The following C6orf118 variants were observed in gnomAD, a reference collection of about 807,000 sequenced individuals.
The protein encoded by C6orf118 is uncharacterized protein C6orf118.
In C6orf118, 50 loss-of-function variants were observed where a neutral mutation model predicts 50.2. The observed-to-expected ratio is 1.00, with a 90% CI of 0.79 to 1.26. The LOEUF (loss-of-function observed/expected upper bound fraction) is 1.26. C6orf118 is among the 50% of genes most tolerant of loss of function. The pLI, the probability that C6orf118 is intolerant of heterozygous loss-of-function variation, is 0.00. For missense variants in C6orf118, 641 were observed against 578.7 expected, an observed-to-expected ratio of 1.11 and a Z score of -1.10; for synonymous variants, 239 against 230.9, an observed-to-expected ratio of 1.03 and a Z score of -0.32.
At chr6:165,294,330 A>T (rs1456138963) in intron 5 of C6orf118, among the ~76,000 whole-genome samples, 1 of 151,860 alleles carries the variant, frequency 6.6e-6, no homozygotes, top group Non-Finnish European at 1.5e-5. Context: ...ACAGAAAAAA[A>T]CCTCCTTGTT....
intron 4 of C6orf118, 42 bp downstream of exon 4, chr6:165,299,401 G>A (rs1233166537): frequency 2.5e-6 from 4 of 1,581,206 alleles, no homozygotes; most frequent in Non-Finnish European, 3.5e-6. Context: ...TGAAGCTATG[G>A]ATAAGCAGGC....
intron 1 of C6orf118, 84 bp downstream of exon 1, chr6:165,309,478 A>T: frequency 1.3e-6 from 2 of 1,521,576 alleles, no homozygotes; most frequent in Non-Finnish European, 9.1e-7. Context: ...TCACATTTCA[A>T]ATCAGTCTTC....
intron 7 of C6orf118, among the ~76,000 whole-genome samples, chr6:165,288,010 GA>G (rs1334490541): frequency 1.3e-5 from 2 of 152,118 alleles, no homozygotes; most frequent in East Asian, 1.9e-4. Context: ...CAGAATGGGG[GA>G]AAATTTCTGC....
intron 1 of C6orf118, 67 bp downstream of exon 1, chr6:165,309,495 C>T: frequency 1.3e-5 from 21 of 1,566,538 alleles, no homozygotes; most frequent in Non-Finnish European, 1.8e-5. Context: ...CTTCAGAAGC[C>T]CATCCCTCCA....
chr6:165,287,910 A>C (rs1328184416), intron 7 of C6orf118, among the ~76,000 whole-genome samples: 5 of 152,222 alleles, frequency 3.3e-5, no homozygotes, highest in Admixed American at 6.5e-5. Context: ...AAGCAATTGC[A>C]ACAAAAGCAA....
chr6:165,308,221 G>T (rs567655), intron 1 of C6orf118, among the ~76,000 whole-genome samples: 72,112 of 152,054 alleles, frequency 0.47, 19,731 homozygotes, highest in African/African-American at 0.76. Flanking sequence ...TTTACCAGCT[G>T]AATTCAGGTG....
At chr6:165,296,519 G>A (rs1480421688) in intron 5 of C6orf118, among the ~76,000 whole-genome samples, 2 of 152,100 alleles carry the variant, frequency 1.3e-5, no homozygotes, top group Non-Finnish European at 2.9e-5. Context: ...ATATGCTGCA[G>A]TGACCCAGAA....
chr6:165,295,598 G>C (rs1780263813), intron 5 of C6orf118, among the ~76,000 whole-genome samples: 1 of 151,950 alleles, frequency 6.6e-6, no homozygotes, highest in Non-Finnish European at 1.5e-5. Context: ...AATTCAAATG[G>C]ATACTTTTCC....
chr6:165,307,543 G>A (rs1271020315), intron 1 of C6orf118, among the ~76,000 whole-genome samples: 1 of 143,572 alleles, frequency 7.0e-6, no homozygotes, highest in African/African-American at 2.7e-5. Flanking sequence ...GGACGACAGA[G>A]TGAGACTGCC....
At chr6:165,288,862 G>C (rs1780008379) in intron 7 of C6orf118, among the ~76,000 whole-genome samples, 2 of 151,878 alleles carry the variant, frequency 1.3e-5, no homozygotes, top group Admixed American at 1.3e-4. Flanking sequence ...AGGATGATAG[G>C]TGCAGCAAAT....
rs1329098635 is a variant in C6orf118, at chr6:165,286,897, C to T, written c.1302+2989G>A. On this transcript the variant is annotated intron_variant, in intron 7 of 8. Transcript: ENST00000230301. ...ATAAGAATGCCCTCGCTCACCACTC[C>T]TATTCAACATAATATTGGGAGTTCT... Among the ~76,000 whole-genome samples the T allele has an allele frequency of 2.6e-5, 4 of 152,148 alleles. No homozygotes were observed. In the East Asian group the frequency reaches 5.8e-4, roughly 22 times the overall value.
chr6:165,281,409 T>C (rs1198920609), intron 8 of C6orf118: 2 of 871,252 alleles, frequency 2.3e-6, no homozygotes, highest in African/African-American at 1.8e-5. Flanking sequence ...TAGTCTAATC[T>C]AGTTTTAAAT....
Position 165,280,130 on chromosome 6 carries a change from G to T in C6orf118, c.1357-20C>A. 1.3e-6 allele frequency: 2 copies of T among 1,535,798 alleles called. No individual in the cohort carries two copies. The highest frequency in any genetic ancestry group is 1.2e-5 in the South Asian group (1 of 85,594). Reference sequence around the variant, plus strand: ...AGGCCCCTTAAAATACATAAGAAATGAATACCATAGGTTAGAAAAAAATAC... The same window carrying T: ...AGGCCCCTTAAAATACATAAGAAATTAATACCATAGGTTAGAAAAAAATAC... On this transcript the variant is annotated intron_variant, in intron 8 of 8. Transcript: ENST00000230301.
At position 165,301,851 on chromosome 6, in the gene C6orf118, T is replaced by A; in HGVS notation, c.471A>T (p.Glu157Asp). 1 of 1,613,816 alleles carries A rather than the reference T, an allele frequency of 6.2e-7. No individual in the cohort carries two copies. Among genetic ancestry groups the A allele is most frequent in the East Asian group, 2.2e-5 (1 of 44,850 alleles). Residue 157 changes from glutamate to aspartate, a missense_variant, in exon 2 of 9, where the codon GAA becomes GAT. By Grantham distance (45) the Glu-to-Asp change is conservative. Transcript: ENST00000230301. ...LPVEAVREGKEEKKGGPPGRG... is the reference protein window; with the variant it reads ...LPVEAVREGKDEKKGGPPGRG... ...GTCCAGGAGGGCCTCCTTTCTTTTC[T>A]TCCTTCCCCTCTCTGACAGCCTCCA...
intron 8 of C6orf118, 107 bp from the exon 9 acceptor site, chr6:165,280,217 G>T (rs1191581166): frequency 1.4e-6 from 1 of 704,500 alleles, no homozygotes; most frequent in Non-Finnish European, 2.3e-6. Flanking sequence ...CCCAAAAACA[G>T]ACAAGATGAG....
At position 165,298,107 on chromosome 6, in the gene C6orf118, C is replaced by A. The variant is rs749793324; in HGVS notation, c.937-6G>T. 6.3e-7 allele frequency: 1 copy of A among 1,585,738 alleles called. No individual in the cohort carries two copies. Among genetic ancestry groups the A allele is most frequent in the Admixed American group, 1.8e-5 (1 of 55,846 alleles). Reference sequence around the variant, plus strand: ...TTGAGTTGAGCCAGAAGAGCCTAGGCAGGACCAGGTACATGAGGTGAGACA... The same window carrying A: ...TTGAGTTGAGCCAGAAGAGCCTAGGAAGGACCAGGTACATGAGGTGAGACA... On this transcript the variant is annotated splice_polypyrimidine_tract_variant and splice_region_variant and intron_variant, in intron 4 of 8. Coordinates refer to ENST00000230301, the MANE Select transcript of C6orf118 (RefSeq NM_144980.4).
intron 7 of C6orf118, among the ~76,000 whole-genome samples, chr6:165,287,320 G>C (rs1779945051): frequency 6.6e-6 from 1 of 152,128 alleles, no homozygotes; most frequent in Admixed American, 6.6e-5. Context: ...CTCATGGATA[G>C]GAAGAATCAG....
At chr6:165,309,430 G>T in intron 1 of C6orf118, 132 bp downstream of exon 1, 2 of 1,052,840 alleles carry the variant, frequency 1.9e-6, no homozygotes, top group Non-Finnish European at 2.9e-6. Flanking sequence ...CAGCCCTAGT[G>T]ACCCTGGAGC....
intron 7 of C6orf118, among the ~76,000 whole-genome samples, chr6:165,283,520 G>C (rs73788315): frequency 0.012 from 1,775 of 152,312 alleles, 35 homozygotes; most frequent in African/African-American, 0.041. Context: ...CTGACTGGGT[G>C]AGACCTCCCA....
Sources: allele counts gnomAD v4.1 joint callset (sites outside exome capture counted in the v4.1 genomes callset), GRCh38; gene constraint gnomAD v4.1.1; transcripts MANE v1.5; gene names NCBI Gene and HGNC (gene_info 2026-07-23, HGNC 2026-07-21).